Variants in DOT1L observed in about 807,000 individuals in gnomAD.
DOT1L encodes histone-lysine N-methyltransferase, H3 lysine-79 specific.
In DOT1L, 33 loss-of-function variants were observed where a neutral mutation model predicts 153.3. That is an observed-to-expected ratio of 0.22 (90% CI 0.16 to 0.29). The LOEUF is 0.29. Ranked by LOEUF, DOT1L falls within the 10% of genes least tolerant of loss-of-function variation. DOT1L has a pLI of 1.00. For synonymous variants in DOT1L, 1,135 were observed against 965.1 expected (o/e 1.18, Z -3.26); for missense variants, 1,847 against 2,119.9 (o/e 0.87, Z 2.53).
Position 2,207,900 on chromosome 19 carries a change from G to T in DOT1L, c.963+220G>T, listed in dbSNP as rs1280608064. Among the ~76,000 whole-genome samples the T allele has an allele frequency of 6.6e-6, 1 of 152,064 alleles. No homozygotes were observed. The highest frequency in any genetic ancestry group is 1.5e-5 in the Non-Finnish European group (1 of 67,964). The stretch of plus-strand genomic sequence containing the variant: ...CTCCCAGGCACTGGGCGTGTCCTGG[G>T]TGAGGGCTGAGTGCTGTCTCCCCTA... On this transcript the variant is annotated intron_variant, in intron 11 of 27. Coordinates refer to ENST00000398665, the MANE Select transcript of DOT1L (RefSeq NM_032482.3). The surrounding 1 kb of genome is among the most constrained non-coding windows in gnomAD (Gnocchi z 4.5).
rs2144980452 is a variant in DOT1L at position 2,232,207 on chromosome 19, G to A, written c.*2415G>A. On this transcript the variant is annotated 3_prime_UTR_variant, in exon 28 of 28. Coordinates refer to ENST00000398665, the MANE Select transcript of DOT1L (RefSeq NM_032482.3). Reference sequence around the variant, plus strand: ...TGGGAGTGGCTCTTGCTCAGGAATTGATAGGAACCCTAAAAACTAGGATAC... The same window carrying A: ...TGGGAGTGGCTCTTGCTCAGGAATTAATAGGAACCCTAAAAACTAGGATAC... The A allele has an allele frequency of 1.4e-5, 3 of 222,178 alleles. No homozygotes were observed. Among genetic ancestry groups the A allele is most frequent in the South Asian group, 3.7e-4 (2 of 5,460 alleles). 13.8% of individuals were successfully genotyped at this position (222,178 alleles called of 1,614,324 possible).
Position 2,226,604 on chromosome 19 carries a change from C to T in DOT1L, c.4083C>T (p.Gly1361=). The change falls in exon 27 of 28, where the codon GGC becomes GGT. Residue 1361 remains glycine, a synonymous_variant. Coordinates refer to ENST00000398665, the MANE Select transcript of DOT1L (RefSeq NM_032482.3). ...LSFPSQRGKE[G]SDANPFLSKR... ...TCCCCTCGCAGCGCGGCAAGGAGGG[C>T]TCGGACGCCAACCCTTTCCTGAGCA... 14 of 1,597,626 alleles carry T rather than the reference C, an allele frequency of 8.8e-6. No individual in the cohort carries two copies. The highest frequency in any genetic ancestry group is 2.2e-5 in the South Asian group (2 of 90,214).
In DOT1L at chr19:2,223,347, T is replaced by G; in HGVS notation, c.3457T>G (p.Ser1153Ala). Residue 1153 changes from serine (S) to alanine (A), a missense_variant, in exon 25 of 28, where the codon TCC becomes GCC. Around this residue, in one of 8 missense-constraint regions of DOT1L, gnomAD observed 934 missense variants for 825.3 expected, o/e 1.13. Coordinates refer to ENST00000398665, the MANE Select transcript of DOT1L (RefSeq NM_032482.3). Reference sequence around the variant, plus strand: ...GTCCCCGGAGACCTCCCTGAAGAGCTCCCCTGTGCCCTACCAGGACCACGA... The same window carrying G: ...GTCCCCGGAGACCTCCCTGAAGAGCGCCCCTGTGCCCTACCAGGACCACGA... ...ISSPETSLKS[S>A]PVPYQDHDQP... 6.2e-7 allele frequency: 1 copy of G among 1,613,286 alleles called. No homozygotes were observed. Among genetic ancestry groups the G allele is most frequent in the Non-Finnish European group, 8.5e-7 (1 of 1,179,850 alleles).
Position 2,211,170 on chromosome 19 carries a change from C to A in DOT1L, c.1423C>A (p.Leu475Met). The change falls in exon 15 of 28, where the codon CTG becomes ATG. Residue 475 changes from leucine to methionine, a missense_variant. Physicochemically the swap from Leu to Met is conservative, Grantham distance 15. Coordinates refer to ENST00000398665, the MANE Select transcript of DOT1L (RefSeq NM_032482.3). ...CGTGCAGCGGCACTCCCCCAACCCG[C>A]TGCTGGTGGCGCCCACCCCGCCCGC... ...PSVQRHSPNP[L>M]LVAPTPPALQ... 1.2e-6 allele frequency: 2 copies of A among 1,612,392 alleles called. No homozygotes were observed. The highest frequency in any genetic ancestry group is 1.7e-6 in the Non-Finnish European group (2 of 1,179,568).
At chr19:2,199,173 G>A (rs1022897813) in intron 7 of DOT1L, among the ~76,000 whole-genome samples, 7 of 152,266 alleles carry the variant, frequency 4.6e-5, no homozygotes, top group Non-Finnish European at 8.8e-5. Flanking sequence ...TCTCCTGGAC[G>A]GTGCCAGGTC....
At chr19:2,206,392 TACTAAA>T (rs2023494281) in intron 9 of DOT1L, among the ~76,000 whole-genome samples, 1 of 151,964 alleles carries the variant, frequency 6.6e-6, no homozygotes, top group South Asian at 2.1e-4. Flanking sequence ...ACCCGCTCTC[TACTAAA>T]AATCCAAAAA....
intron 1 of DOT1L, among the ~76,000 whole-genome samples, chr19:2,171,035 T>C (rs1297608388): frequency 6.6e-6 from 1 of 152,232 alleles, no homozygotes. Flanking sequence ...CGATATCTGC[T>C]GACTGCATTC....
rs1469237068 is a variant in DOT1L at position 2,200,941 on chromosome 19, G to C, written c.707+1002G>C. 1.4e-4 allele frequency among the ~76,000 whole-genome samples: 17 copies of C among 120,870 alleles called. No homozygotes were observed. The East Asian group carries it at 3.8e-3, about 27-fold the overall frequency. 79.3% of individuals were successfully genotyped at this position (120,870 alleles called of 152,430 possible). A position where few individuals can be genotyped will look rare whatever the true frequency, so the allele number is the denominator to read the frequency against. ...CCTCCCCGTATTCCTCATCCTCCCC[G>C]CATTCCTCGTCCTCCCCGCATTCCT... On this transcript the variant is annotated intron_variant, in intron 8 of 27. Transcript: ENST00000398665.
chr19:2,182,912 T>G (rs1400987390), intron 2 of DOT1L, among the ~76,000 whole-genome samples: 1 of 152,100 alleles, frequency 6.6e-6, no homozygotes, highest in Non-Finnish European at 1.5e-5. Flanking sequence ...GCTTAAGCGT[T>G]GTAGGGAGCA....
chr19:2,207,896 C>T lies in DOT1L; in HGVS notation c.963+216C>T, dbSNP rs997418591. The stretch of plus-strand genomic sequence containing the variant: ...GGTCCTCCCAGGCACTGGGCGTGTC[C>T]TGGGTGAGGGCTGAGTGCTGTCTCC... On this transcript the variant is annotated intron_variant, in intron 11 of 27. Transcript: ENST00000398665. The surrounding 1 kb of genome is among the most constrained non-coding windows in gnomAD (Gnocchi z 4.5). Among the ~76,000 whole-genome samples the T allele has an allele frequency of 2.0e-5, 3 of 152,072 alleles. No homozygotes were observed. Among genetic ancestry groups the T allele is most frequent in the Non-Finnish European group, 1.5e-5 (1 of 67,974 alleles).
intron 16 of DOT1L, chr19:2,213,062 T>C (rs1183172760): frequency 6.3e-6 from 1 of 159,404 alleles, no homozygotes; most frequent in Non-Finnish European, 1.4e-5. Flanking sequence ...GCTGACAGCA[T>C]GCCTGGGCCG....
intron 1 of DOT1L, 120 bp downstream of exon 1, chr19:2,164,385 A>G: frequency 1.7e-6 from 1 of 597,304 alleles, no homozygotes; most frequent in Non-Finnish European, 2.4e-6. Context: ...GAGACCCTGG[A>G]CTCCACTGTC....
chr19:2,223,807 C>T (rs1003076053), intron 25 of DOT1L, among the ~76,000 whole-genome samples: 13 of 152,178 alleles, frequency 8.5e-5, no homozygotes, highest in African/African-American at 7.2e-5. Flanking sequence ...CACGTCTTGC[C>T]GAGTGTATTA....
At chr19:2,176,381 G>A (rs975646607) in intron 1 of DOT1L, among the ~76,000 whole-genome samples, 25 of 152,316 alleles carry the variant, frequency 1.6e-4, no homozygotes, top group African/African-American at 4.8e-4. Context: ...CGAAACAGGC[G>A]TGGGGCAGAG....
intron 2 of DOT1L, among the ~76,000 whole-genome samples, chr19:2,184,009 C>T (rs888353084): frequency 3.3e-5 from 5 of 152,192 alleles, no homozygotes; most frequent in Non-Finnish European, 5.9e-5. Flanking sequence ...TCGGCCATGC[C>T]CCTGCTGAGC....
At position 2,209,120 on chromosome 19, in the gene DOT1L, C is replaced by T. The variant is rs545710187; in HGVS notation, c.1005+144C>T. On this transcript the variant is annotated intron_variant, in intron 12 of 27. Coordinates refer to ENST00000398665, the MANE Select transcript of DOT1L (RefSeq NM_032482.3). ...CGGGGCCCGGCCCTGTGCCCTTTCC[C>T]GCCTCCTTCCTGCTCCTCCCCACTG... 20 of 817,308 alleles carry T rather than the reference C, an allele frequency of 2.4e-5. No homozygotes were observed. The South Asian group carries it at 2.9e-4, about 12-fold the overall frequency. The allele number at this position is 817,308 out of a possible 1,614,324, so 50.6% of individuals were successfully genotyped here.
Position 2,222,759 on chromosome 19 carries a change from G to T in DOT1L, c.3390+200G>T, listed in dbSNP as rs2024174175. On this transcript the variant is annotated intron_variant, in intron 24 of 27. Transcript: ENST00000398665. This position sits in a 1 kb window ranked among gnomAD's most constrained non-coding sequence, Gnocchi z 6.5. ...ACCAAAAATACAAAAGATTAGCCGGGCGTGGTGGCGGGTGCCTGGGAGGCT... is the reference window on the plus strand; with the variant it reads ...ACCAAAAATACAAAAGATTAGCCGGTCGTGGTGGCGGGTGCCTGGGAGGCT... 3.4e-6 allele frequency: 2 copies of T among 596,204 alleles called. No individual in the cohort carries two copies. Among genetic ancestry groups the T allele is most frequent in the African/African-American group, 3.8e-5 (2 of 53,328 alleles). 36.9% of individuals were successfully genotyped at this position (596,204 alleles called of 1,614,324 possible). A position where few individuals can be genotyped will look rare whatever the true frequency, so the allele number is the denominator to read the frequency against.
intron 22 of DOT1L, among the ~76,000 whole-genome samples, chr19:2,218,602 C>T (rs1367348631): frequency 2.6e-5 from 4 of 151,986 alleles, no homozygotes; most frequent in Non-Finnish European, 5.9e-5. Context: ...ACCGTGTTAG[C>T]CAGGATGGTC....
At position 2,226,904 on chromosome 19, in the gene DOT1L, C is replaced by A; in HGVS notation, c.4383C>A (p.His1461Gln). 6.3e-7 allele frequency: 1 copy of A among 1,579,150 alleles called. No homozygotes were observed. The highest frequency in any genetic ancestry group is 1.7e-5 in the Admixed American group (1 of 57,278). ...GCGCGGCGTCCTCCGCCCAGACGCACCGGTCCTTCCTGGGCCCCTTCCCGC... is the reference window on the plus strand; with the variant it reads ...GCGCGGCGTCCTCCGCCCAGACGCAACGGTCCTTCCTGGGCCCCTTCCCGC... ...AGGAASSAQT[H>Q]RSFLGPFPPG... Residue 1461 changes from histidine (H) to glutamine (Q), a missense_variant, in exon 27 of 28, where the codon CAC (histidine) becomes CAA (glutamine). Physicochemically the swap from His to Gln is conservative, Grantham distance 24. Around this residue, in one of 8 missense-constraint regions of DOT1L, gnomAD observed 934 missense variants for 825.3 expected, o/e 1.13. Transcript: ENST00000398665.
Sources: gnomAD v4.1 joint callset for allele counts (sites outside exome capture counted in the v4.1 genomes callset) on GRCh38, gnomAD v4.1.1 for gene constraint, gnomAD v4.1.1 regional missense constraint, Gnocchi (gnomAD v3.1) non-coding constraint, MANE v1.5 for transcripts, NCBI Gene and HGNC (gene_info 2026-07-23, HGNC 2026-07-21) for gene names.